The following RUNX1 variants were observed in gnomAD, a reference collection of about 807,000 sequenced individuals.
The protein encoded by RUNX1 is RUNX family transcription factor 1.
In RUNX1, 19 loss-of-function variants were observed where a neutral mutation model predicts 42.8. That is an observed-to-expected ratio of 0.44 (90% CI 0.31 to 0.65). RUNX1 has a LOEUF of 0.65. Ranked by LOEUF, RUNX1 falls within the 30% of genes least tolerant of loss-of-function variation. The pLI is 0.07. For missense variants in RUNX1, 528 were observed against 672.0 expected (o/e 0.79, Z 2.37); for synonymous variants, 271 against 289.4 (o/e 0.94, Z 0.64).
At chr21:34,880,959 G>A (rs1201391622) in intron 4 of RUNX1, among the ~76,000 whole-genome samples, 1 of 152,110 alleles carries the variant, frequency 6.6e-6, no homozygotes, top group Non-Finnish European at 1.5e-5. Flanking sequence ...TCCAAAAACT[G>A]CAGTTACATT....
In RUNX1 at chr21:34,792,255, C is replaced by G. The variant is rs1394924518; in HGVS notation, c.1323G>C (p.Leu441=). Residue 441 remains leucine (L), a synonymous_variant, in exon 9 of 9, where the codon CTG becomes CTC. Transcript: ENST00000675419. The surrounding 1 kb of genome is among the most constrained non-coding windows in gnomAD (Gnocchi z 6.9). ...TCTGGTTCGGGAGGCTGGGGTTGAG[C>G]AGCGCGGAGCCGGTGGAGGCGTTGG... ...PCTNASTGSA[L]LNPSLPNQSD... The G allele has an allele frequency of 2.0e-6, 3 of 1,537,438 alleles. No homozygotes were observed. Among genetic ancestry groups the G allele is most frequent in the Non-Finnish European group, 2.6e-6 (3 of 1,146,234 alleles).
intron 2 of RUNX1, among the ~76,000 whole-genome samples, chr21:34,899,275 T>C (rs1217562877): frequency 6.6e-6 from 1 of 152,200 alleles, no homozygotes; most frequent in South Asian, 2.1e-4. Flanking sequence ...AAATTCACAT[T>C]GAAGCCCTAA....
chr21:34,998,561 A>C (rs954742876), intron 2 of RUNX1, among the ~76,000 whole-genome samples: 1 of 151,112 alleles, frequency 6.6e-6, no homozygotes, highest in Non-Finnish European at 1.5e-5. Flanking sequence ...CTTTTTTTTG[A>C]GATGGAGTCT....
chr21:34,932,312 G>C (rs2058453396), intron 2 of RUNX1, among the ~76,000 whole-genome samples: 1 of 152,144 alleles, frequency 6.6e-6, no homozygotes, highest in Non-Finnish European at 1.5e-5. Flanking sequence ...CTGGTTTTGA[G>C]GAAAAGAGGA....
chr21:34,792,637 G>A lies in RUNX1; in HGVS notation c.968-27C>T, dbSNP rs576657514. 4 of 1,551,558 alleles carry A rather than the reference G, an allele frequency of 2.6e-6. No individual in the cohort carries two copies. The highest frequency in any genetic ancestry group is 2.7e-5 in the African/African-American group (2 of 73,466). On this transcript the variant is annotated intron_variant, in intron 8 of 8. Transcript: ENST00000675419. This position sits in a 1 kb window ranked among gnomAD's most constrained non-coding sequence, Gnocchi z 6.9. ...TGCAGGGCGGGCAAGAGAACGGAGC[G>A]GAAGTGAGTAGGAGGTTGCGGAGGC...
chr21:34,877,721 T>A (rs1333142506), intron 5 of RUNX1, among the ~76,000 whole-genome samples: 1 of 152,218 alleles, frequency 6.6e-6, no homozygotes, highest in East Asian at 1.9e-4. Context: ...TGATCCTGGA[T>A]GGCAGCCAGC....
intron 2 of RUNX1, among the ~76,000 whole-genome samples, chr21:35,001,458 C>T (rs1333869106): frequency 6.6e-6 from 1 of 151,706 alleles, no homozygotes; most frequent in Non-Finnish European, 1.5e-5. Context: ...TTTAATTGCC[C>T]AAATAAAGAC....
At chr21:34,818,899 A>G (rs922138519) in intron 7 of RUNX1, among the ~76,000 whole-genome samples, 1 of 152,216 alleles carries the variant, frequency 6.6e-6, no homozygotes, top group Non-Finnish European at 1.5e-5. Context: ...CTTTCGCCTA[A>G]GTGCTGTTTT....
In RUNX1 at chr21:34,792,123, A is replaced by AG; in HGVS notation, c.*11dup. 2.8e-6 allele frequency: 4 copies of AG among 1,404,676 alleles called. No individual in the cohort carries two copies. Among genetic ancestry groups the AG allele is most frequent in the Non-Finnish European group, 3.7e-6 (4 of 1,088,528 alleles). The allele number at this position is 1,404,676 out of a possible 1,614,324, so 87.0% of individuals were successfully genotyped here. A position where few individuals can be genotyped will look rare whatever the true frequency, so the allele number is the denominator to read the frequency against. On this transcript the variant is annotated 3_prime_UTR_variant, in exon 9 of 9. Transcript: ENST00000675419. The surrounding 1 kb of genome is among the most constrained non-coding windows in gnomAD (Gnocchi z 6.9). The stretch of plus-strand genomic sequence containing the variant: ...GCGGCCCGCGGGGCCCAGCCGGGCC[A>AG]GGCCTGGCGCCTCAGTAGGGCCTCC...
At chr21:34,966,601 A>T (rs1040661186) in intron 2 of RUNX1, among the ~76,000 whole-genome samples, 1 of 152,222 alleles carries the variant, frequency 6.6e-6, no homozygotes, top group African/African-American at 2.4e-5. Flanking sequence ...TGTCATGGAC[A>T]TTCAGAGAAG....
At position 34,887,049 on chromosome 21, in the gene RUNX1, G is replaced by T. The variant is rs755793721; in HGVS notation, c.145C>A (p.Pro49Thr). 1.9e-6 allele frequency: 3 copies of T among 1,600,622 alleles called. No homozygotes were observed. Among genetic ancestry groups the T allele is most frequent in the Non-Finnish European group, 2.5e-6 (3 of 1,179,860 alleles). The part of the protein sequence containing the change: ...RFTPPSTALS[P>T]GKMSEALPLG... ...GGCAACGCCTCGCTCATCTTGCCTG[G>T]GCTCAGCGCGGTGGAAGGCGGCGTG... Residue 49 changes from proline (P) to threonine (T), a missense_variant, in exon 4 of 9, where the codon CCA becomes ACA. Pro to Thr is a conservative substitution (Grantham distance 38, BLOSUM62 -1). Coordinates refer to ENST00000675419, the MANE Select transcript of RUNX1 (RefSeq NM_001754.5).
chr21:34,845,124 T>A (rs1189268804), intron 6 of RUNX1, among the ~76,000 whole-genome samples: 1 of 152,220 alleles, frequency 6.6e-6, no homozygotes, highest in African/African-American at 2.4e-5. Context: ...TAAAGTTACC[T>A]GAATGGGCAA....
At chr21:34,873,779 G>A (rs1569074001) in intron 5 of RUNX1, among the ~76,000 whole-genome samples, 5 of 152,172 alleles carry the variant, frequency 3.3e-5, no homozygotes, top group South Asian at 2.1e-4. Context: ...GAATGCCGTC[G>A]ATTGCTCTGT....
chr21:34,964,866 C>A (rs2058707262), intron 2 of RUNX1, among the ~76,000 whole-genome samples: 1 of 152,142 alleles, frequency 6.6e-6, no homozygotes. Flanking sequence ...GCACCAACAC[C>A]CACAATGCTC....
At chr21:34,837,536 GA>G (rs1020669847) in intron 6 of RUNX1, among the ~76,000 whole-genome samples, 6 of 152,204 alleles carry the variant, frequency 3.9e-5, no homozygotes, top group Non-Finnish European at 8.8e-5. Flanking sequence ...TCAAGCTGGG[GA>G]AAATGAATAC....
chr21:34,881,337 G>A (rs937218722), intron 4 of RUNX1, among the ~76,000 whole-genome samples: 6 of 152,124 alleles, frequency 3.9e-5, no homozygotes, highest in African/African-American at 1.4e-4. Flanking sequence ...TCTTGCTGAC[G>A]ATTCTTAAGT....
At chr21:34,831,763 T>A (rs2057066959) in intron 7 of RUNX1, among the ~76,000 whole-genome samples, 1 of 152,196 alleles carries the variant, frequency 6.6e-6, no homozygotes, top group African/African-American at 2.4e-5. Context: ...AAAATAAGCA[T>A]TTTCCTACTG....
rs370694946 is a variant in RUNX1, at chr21:34,792,958, G to C, written c.968-348C>G. Among the ~76,000 whole-genome samples, 12 of 147,208 alleles carry C rather than the reference G, an allele frequency of 8.2e-5. No homozygotes were observed. Among genetic ancestry groups the C allele is most frequent in the African/African-American group, 3.0e-4 (12 of 39,658 alleles). ...GGATGCCACCTCCTGAGAGGACGGA[G>C]ACCACCCAGGATGACACCACCTGGG... On this transcript the variant is annotated intron_variant, in intron 8 of 8. Transcript: ENST00000675419. The surrounding 1 kb of genome is among the most constrained non-coding windows in gnomAD (Gnocchi z 6.9).
chr21:34,982,965 T>G (rs2058858720), intron 2 of RUNX1, among the ~76,000 whole-genome samples: 1 of 152,238 alleles, frequency 6.6e-6, no homozygotes, highest in Admixed American at 6.5e-5. Context: ...GAAGCCTAGT[T>G]GGTCTGTTGC....
Sources: allele counts gnomAD v4.1 joint callset (sites outside exome capture counted in the v4.1 genomes callset), GRCh38; gene constraint gnomAD v4.1.1; non-coding constraint Gnocchi (gnomAD v3.1); transcripts MANE v1.5; gene names NCBI Gene and HGNC (gene_info 2026-07-23, HGNC 2026-07-21).